Variants in NRG3 observed in about 807,000 individuals in gnomAD.
NRG3 encodes the protein pro-neuregulin-3, membrane-bound isoform.
A neutral mutation model predicts 66.9 loss-of-function variants in NRG3; 31 were observed. That is an observed-to-expected ratio of 0.46 (90% CI 0.35 to 0.63). The LOEUF is 0.63. Ranked by LOEUF, NRG3 falls within the 20% of genes least tolerant of loss-of-function variation. NRG3 has a pLI of 0.00. For synonymous variants in NRG3, 393 were observed against 359.4 expected, an observed-to-expected ratio of 1.09 and a Z score of -1.06; for missense variants, 910 against 878.9, an observed-to-expected ratio of 1.04 and a Z score of -0.45.
At chr10:82,979,630 G>A (rs1338041530) in intron 8 of NRG3, among the ~76,000 whole-genome samples, 1 of 152,158 alleles carries the variant, frequency 6.6e-6, no homozygotes, top group Non-Finnish European at 1.5e-5. Flanking sequence ...ATGCAAGTTA[G>A]GGGTAGACGG....
chr10:82,305,291 G>A (rs1035592216), intron 1 of NRG3, among the ~76,000 whole-genome samples: 5 of 151,822 alleles, frequency 3.3e-5, no homozygotes, highest in South Asian at 2.1e-4. Context: ...TACCGCGCCC[G>A]GCCCAAGTCA....
chr10:82,640,479 T>C (rs2050494221), intron 2 of NRG3, among the ~76,000 whole-genome samples: 1 of 152,146 alleles, frequency 6.6e-6, no homozygotes, highest in African/African-American at 2.4e-5. Flanking sequence ...TTATTCTGAG[T>C]GCAAATCCAT....
rs571601125 is a variant in NRG3, at chr10:82,916,782, A to C, written c.1055-34687A>C. On this transcript the variant is annotated intron_variant, in intron 4 of 8. Coordinates refer to ENST00000372141, the MANE Select transcript of NRG3 (RefSeq NM_001010848.4). ...AGGCGCGTGCCACCACGCCCAGCTA[A>C]TTTTTGTATTTTTAGTAGAGATGGA... Among the ~76,000 whole-genome samples the C allele has an allele frequency of 2.6e-3, 400 of 152,144 alleles. 2 individuals are homozygous for C. Among genetic ancestry groups the C allele is most frequent in the Non-Finnish European group, 5.0e-3 (339 of 68,016 alleles).
intron 3 of NRG3, among the ~76,000 whole-genome samples, chr10:82,767,752 G>A (rs1317004288): frequency 6.6e-6 from 1 of 151,874 alleles, no homozygotes; most frequent in Non-Finnish European, 1.5e-5. Context: ...CAAGATATCA[G>A]ATGTCTCCTT....
chr10:82,801,274 A>G (rs773752512), intron 3 of NRG3, among the ~76,000 whole-genome samples: 1 of 152,210 alleles, frequency 6.6e-6, no homozygotes, highest in African/African-American at 2.4e-5. Flanking sequence ...AGATTTATCC[A>G]TGGTATCGGG....
chr10:82,581,472 C>CA (rs2046351210), intron 2 of NRG3, among the ~76,000 whole-genome samples: 1 of 151,874 alleles, frequency 6.6e-6, no homozygotes, highest in South Asian at 2.1e-4. Flanking sequence ...AAGTCCCACA[C>CA]CAATTTTTTT....
chr10:82,260,424 G>A (rs933143395), intron 1 of NRG3, among the ~76,000 whole-genome samples: 1 of 152,232 alleles, frequency 6.6e-6, no homozygotes, highest in East Asian at 1.9e-4. Flanking sequence ...AGAGGCCTGA[G>A]GCATCATATT....
At chr10:82,034,644 G>A (rs948335044) in intron 1 of NRG3, among the ~76,000 whole-genome samples, 1 of 152,070 alleles carries the variant, frequency 6.6e-6, no homozygotes, top group Non-Finnish European at 1.5e-5. Context: ...TCATTCCCCA[G>A]CCATTCCCTG....
At chr10:82,576,708 T>G (rs973296951) in intron 2 of NRG3, among the ~76,000 whole-genome samples, 6 of 151,820 alleles carry the variant, frequency 4.0e-5, no homozygotes, top group African/African-American at 1.4e-4. Flanking sequence ...ACTTCTTTAC[T>G]GTAATTGCTG....
At chr10:82,314,471 ATGAC>A (rs2081191075) in intron 1 of NRG3, among the ~76,000 whole-genome samples, 1 of 152,086 alleles carries the variant, frequency 6.6e-6, no homozygotes, top group South Asian at 2.1e-4. Flanking sequence ...TAAAAAAAAA[ATGAC>A]TGACCCATTT....
At chr10:82,882,393 T>C (rs141933522) in intron 4 of NRG3, among the ~76,000 whole-genome samples, 1 of 152,292 alleles carries the variant, frequency 6.6e-6, no homozygotes, top group East Asian at 1.9e-4. Context: ...TTTGGCAACA[T>C]GAGTAGAGTT....
intron 4 of NRG3, among the ~76,000 whole-genome samples, chr10:82,948,067 A>G (rs898513400): frequency 2.6e-5 from 4 of 151,934 alleles, no homozygotes; most frequent in African/African-American, 9.7e-5. Flanking sequence ...TACATCTATC[A>G]TCCTTTTTGA....
At chr10:82,245,945 G>T (rs1273997422) in intron 1 of NRG3, among the ~76,000 whole-genome samples, 3 of 134,586 alleles carry the variant, frequency 2.2e-5, no homozygotes, top group Non-Finnish European at 4.7e-5. Flanking sequence ...TGCCATGATT[G>T]TAGCATTAGC....
At chr10:82,697,666 T>C (rs541324828) in intron 2 of NRG3, among the ~76,000 whole-genome samples, 1 of 152,330 alleles carries the variant, frequency 6.6e-6, no homozygotes, top group East Asian at 1.9e-4. Context: ...GCAATTGGAA[T>C]GATATCCTTT....
chr10:82,258,471 T>A (rs1305175200), intron 1 of NRG3, among the ~76,000 whole-genome samples: 1 of 152,224 alleles, frequency 6.6e-6, no homozygotes, highest in Non-Finnish European at 1.5e-5. Context: ...AATTCACAAA[T>A]TAGGCAGGCA....
chr10:82,142,807 T>TATTTCC (rs2069911552), intron 1 of NRG3, among the ~76,000 whole-genome samples: 1 of 142,940 alleles, frequency 7.0e-6, no homozygotes, highest in African/African-American at 2.6e-5. Flanking sequence ...AGACTCTATC[T>TATTTCC]ATCTCCAGGC....
intron 4 of NRG3, among the ~76,000 whole-genome samples, chr10:82,870,872 T>A (rs1200970978): frequency 6.6e-6 from 1 of 152,226 alleles, no homozygotes; most frequent in Non-Finnish European, 1.5e-5. Flanking sequence ...CTGCGGCTTT[T>A]CCCTTTATTC....
At chr10:82,754,559 A>T (rs2134983205) in intron 3 of NRG3, among the ~76,000 whole-genome samples, 1 of 152,054 alleles carries the variant, frequency 6.6e-6, no homozygotes, top group Non-Finnish European at 1.5e-5. Flanking sequence ...AAAGCAGATA[A>T]AGATTGCTTT....
intron 1 of NRG3, among the ~76,000 whole-genome samples, chr10:82,098,045 C>CCG (rs1446331789): frequency 2.3e-5 from 2 of 86,414 alleles, no homozygotes; most frequent in Non-Finnish European, 4.7e-5. Context: ...ATGTAGTCTG[C>CCG]CACATATATA....
Sources: allele counts gnomAD v4.1 joint callset (sites outside exome capture counted in the v4.1 genomes callset), GRCh38; gene constraint gnomAD v4.1.1; transcripts MANE v1.5; gene names NCBI Gene and HGNC (gene_info 2026-07-23, HGNC 2026-07-21).